The following MRTFB variants were observed in gnomAD, a reference collection of about 807,000 sequenced individuals.
MRTFB encodes myocardin-related transcription factor B.
MRTFB carries 29 observed loss-of-function variants against 104.2 expected under a neutral mutation model. The observed-to-expected ratio is 0.28, with a 90% CI of 0.21 to 0.38. The LOEUF is 0.38. Among genes scored for constraint, MRTFB ranks in the 10% least tolerant of loss-of-function variants. MRTFB has a pLI of 1.00. For missense variants in MRTFB, 1,270 were observed against 1,341.6 expected, an observed-to-expected ratio of 0.95 and a Z score of 0.83; for synonymous variants, 535 against 519.5, an observed-to-expected ratio of 1.03 and a Z score of -0.41.
chr16:14,122,874 C>T (rs904448191), intron 2 of MRTFB, among the ~76,000 whole-genome samples: 12 of 152,184 alleles, frequency 7.9e-5, no homozygotes, highest in Non-Finnish European at 1.5e-4. Context: ...ACACTGTCTT[C>T]GACAATGGTT....
chr16:14,258,111 C>T lies in MRTFB; in HGVS notation c.2714C>T (p.Ala905Val), dbSNP rs752243915. 8 of 1,613,808 alleles carry T rather than the reference C, an allele frequency of 5.0e-6. No homozygotes were observed. The highest frequency in any genetic ancestry group is 1.1e-5 in the South Asian group (1 of 91,078). ...TQAPLPEISNAHSQQMDDLFD... is the reference protein window; with the variant it reads ...TQAPLPEISNVHSQQMDDLFD... ...TCTCCTTCATTGTAGATTTCCAACG[C>T]TCACAGTCAGCAGATGGATGACCTC... Residue 905 changes from alanine (A) to valine (V), a missense_variant, in exon 16 of 17, where the codon GCT (alanine) becomes GTT (valine). By Grantham distance (64) the Ala-to-Val change is moderately conservative (BLOSUM62 0). Transcript: ENST00000571589.
chr16:14,014,643 C>A, the MRTFB span, among the ~76,000 whole-genome samples: 4 of 151,986 alleles, frequency 2.6e-5, no homozygotes, highest in Non-Finnish European at 4.4e-5. Flanking sequence ...CACCTGAGGT[C>A]AGGAGTTCGA....
At chr16:14,044,700 C>T in the MRTFB span, among the ~76,000 whole-genome samples, 1 of 152,296 alleles carries the variant, frequency 6.6e-6, no homozygotes, top group African/African-American at 2.4e-5. Context: ...CTAGAACCTG[C>T]CAATGAATGA....
chr16:14,192,190 A>T (rs1339655046), intron 3 of MRTFB, among the ~76,000 whole-genome samples: 1 of 151,276 alleles, frequency 6.6e-6, no homozygotes, highest in Admixed American at 6.6e-5. Context: ...TAGGCAACAT[A>T]GCAAGACTCC....
chr16:14,158,989 A>G (rs9933913), intron 3 of MRTFB, among the ~76,000 whole-genome samples: 4 of 150,966 alleles, frequency 2.6e-5, no homozygotes, highest in African/African-American at 9.8e-5. Flanking sequence ...AAAAAAAAAA[A>G]AAAAACTTAG....
chr16:14,183,947 C>G (rs117462393), intron 3 of MRTFB, among the ~76,000 whole-genome samples: 1 of 151,804 alleles, frequency 6.6e-6, no homozygotes, highest in East Asian at 1.9e-4. Context: ...AAGATACATA[C>G]ACACACAGAT....
At chr16:14,150,013 A>G (rs2038533847) in intron 3 of MRTFB, among the ~76,000 whole-genome samples, 1 of 152,196 alleles carries the variant, frequency 6.6e-6, no homozygotes, top group Admixed American at 6.5e-5. Context: ...ACTAGCACAC[A>G]TACGGCACAT....
At chr16:14,127,606 G>A (rs1185910850) in intron 2 of MRTFB, among the ~76,000 whole-genome samples, 2 of 148,058 alleles carry the variant, frequency 1.4e-5, no homozygotes. Flanking sequence ...TCATGCCACT[G>A]CACTCCAGCC....
At chr16:14,047,259 G>A in the MRTFB span, among the ~76,000 whole-genome samples, 1 of 152,204 alleles carries the variant, frequency 6.6e-6, no homozygotes, top group Non-Finnish European at 1.5e-5. Context: ...GCATGCTGGT[G>A]CTGGTTCTAT....
chr16:14,133,091 T>C (rs1331693963), intron 2 of MRTFB, among the ~76,000 whole-genome samples: 1 of 152,226 alleles, frequency 6.6e-6, no homozygotes. Flanking sequence ...TATAGATGCA[T>C]TCTGTACTCA....
chr16:14,079,817 G>A (rs2034288352), intron 2 of MRTFB, among the ~76,000 whole-genome samples: 1 of 151,064 alleles, frequency 6.6e-6, no homozygotes, highest in African/African-American at 2.4e-5. Context: ...ATAGAACTTA[G>A]CATCCAACTT....
At chr16:14,058,644 G>A in the MRTFB span, among the ~76,000 whole-genome samples, 1 of 148,906 alleles carries the variant, frequency 6.7e-6, no homozygotes. Flanking sequence ...ATTCTTCTGT[G>A]TGGTCTTACT....
chr16:14,201,431 CTT>C (rs2040699168), intron 3 of MRTFB, among the ~76,000 whole-genome samples: 1 of 152,166 alleles, frequency 6.6e-6, no homozygotes, highest in South Asian at 2.1e-4. Context: ...AGAGTGAGCA[CTT>C]TGGCTTCTGT....
At chr16:14,072,874 A>G (rs1458045602) in intron 1 of MRTFB, among the ~76,000 whole-genome samples, 1 of 152,234 alleles carries the variant, frequency 6.6e-6, no homozygotes, top group Non-Finnish European at 1.5e-5. Flanking sequence ...TTTTTAAACT[A>G]TATTGTAGAA....
intron 2 of MRTFB, among the ~76,000 whole-genome samples, chr16:14,127,944 T>C (rs2037238908): frequency 2.5e-5 from 3 of 121,634 alleles, no homozygotes; most frequent in African/African-American, 4.3e-5. Context: ...TTTTTTTTTT[T>C]TTTTTTTCTT....
the MRTFB span, among the ~76,000 whole-genome samples, chr16:14,061,550 T>A: frequency 6.7e-6 from 1 of 149,078 alleles, no homozygotes; most frequent in Non-Finnish European, 1.5e-5. Flanking sequence ...TTTTTTTCGG[T>A]CTGGCTCAAG....
At chr16:14,164,214 A>G (rs541768182) in intron 3 of MRTFB, among the ~76,000 whole-genome samples, 1 of 152,238 alleles carries the variant, frequency 6.6e-6, no homozygotes, top group South Asian at 2.1e-4. Context: ...CACCCGCCCC[A>G]CACTGCCACA....
Position 14,200,658 on chromosome 16 carries a change from G to A in MRTFB, c.155-9585G>A, listed in dbSNP as rs2040656029. The A allele has an allele frequency of 3.2e-6, 5 of 1,558,418 alleles. No individual in the cohort carries two copies. The South Asian group carries it at 5.6e-5, about 17-fold the overall frequency. Reference sequence around the variant, plus strand: ...AATCACGTTGATGAAGATGGAAAGAGCCACTGGGTGTTTGAATCTAGAAAG... The same window carrying A: ...AATCACGTTGATGAAGATGGAAAGAACCACTGGGTGTTTGAATCTAGAAAG... On this transcript the variant is annotated intron_variant, in intron 3 of 16. Transcript: ENST00000571589.
At chr16:14,181,227 G>A (rs2039760186) in intron 3 of MRTFB, among the ~76,000 whole-genome samples, 1 of 151,994 alleles carries the variant, frequency 6.6e-6, no homozygotes. Context: ...TAACCGTTGG[G>A]ATTTACCATA....
Sources: allele counts gnomAD v4.1 joint callset (sites outside exome capture counted in the v4.1 genomes callset), GRCh38; gene constraint gnomAD v4.1.1; transcripts MANE v1.5; gene names NCBI Gene and HGNC (gene_info 2026-07-23, HGNC 2026-07-21).